Variants in CDK14 observed in about 807,000 individuals in gnomAD.
CDK14 encodes the protein cyclin dependent kinase 14.
CDK14 carries 34 observed loss-of-function variants against 60.7 expected under a neutral mutation model. The observed-to-expected ratio is 0.56, with a 90% CI of 0.43 to 0.75. The LOEUF (loss-of-function observed/expected upper bound fraction) is 0.75, where lower values mean the gene tolerates loss of function less well. Ranked by LOEUF, CDK14 falls within the 30% of genes least tolerant of loss-of-function variation. CDK14 has a pLI of 0.00. For missense variants in CDK14, 482 were observed against 564.1 expected, an observed-to-expected ratio of 0.85 and a Z score of 1.47; for synonymous variants, 197 against 203.7, an observed-to-expected ratio of 0.97 and a Z score of 0.28.
chr7:91,142,868 T>G (rs1379059922), intron 14 of CDK14, among the ~76,000 whole-genome samples: 1 of 152,136 alleles, frequency 6.6e-6, no homozygotes, highest in African/African-American at 2.4e-5. Flanking sequence ...AGATGACAAA[T>G]TAGCAAACAT....
chr7:91,102,445 TACC>T (rs1452654706), intron 12 of CDK14, among the ~76,000 whole-genome samples: 1 of 152,220 alleles, frequency 6.6e-6, no homozygotes, highest in Non-Finnish European at 1.5e-5. Flanking sequence ...AAATTACACC[TACC>T]ACACCTTTAC....
At chr7:90,651,522 C>T (rs1800641498) in intron 2 of CDK14, among the ~76,000 whole-genome samples, 1 of 152,114 alleles carries the variant, frequency 6.6e-6, no homozygotes. Context: ...CTCTTAACAC[C>T]TGTATAATCA....
chr7:91,117,791 A>T (rs895130474), intron 13 of CDK14, among the ~76,000 whole-genome samples: 8 of 152,102 alleles, frequency 5.3e-5, no homozygotes, highest in Admixed American at 2.0e-4. Flanking sequence ...AGGGCAAAAT[A>T]TGTTGTTTCC....
chr7:91,151,502 AT>A lies in CDK14; in HGVS notation c.*28+33295del, dbSNP rs139335880. Among the ~76,000 whole-genome samples, 492 of 152,304 alleles carry A rather than the reference AT, an allele frequency of 3.2e-3. 4 individuals are homozygous for A. Among genetic ancestry groups the A allele is most frequent in the African/African-American group, 0.011 (470 of 41,574 alleles). On this transcript the variant is annotated intron_variant, in intron 14 of 14. Coordinates refer to ENST00000380050, the MANE Select transcript of CDK14 (RefSeq NM_001287135.2). ...GAGTTTCTCTAACTCCAGAGTTATGATGGGGTTTCATTTAAAACCATACCTT... is the reference window on the plus strand; with the variant it reads ...GAGTTTCTCTAACTCCAGAGTTATGAGGGGTTTCATTTAAAACCATACCTT...
chr7:90,602,997 A>G (rs548292340), intron 1 of CDK14, among the ~76,000 whole-genome samples: 6 of 152,178 alleles, frequency 3.9e-5, no homozygotes, highest in Non-Finnish European at 8.8e-5. Flanking sequence ...TAGGCACATT[A>G]CTTTTCTCAG....
chr7:91,160,606 T>C (rs1801139696), intron 14 of CDK14, among the ~76,000 whole-genome samples: 1 of 152,240 alleles, frequency 6.6e-6, no homozygotes, highest in African/African-American at 2.4e-5. Context: ...GGTGTGTAGT[T>C]ATCTATTGAT....
At chr7:91,055,195 A>G (rs546676549) in intron 11 of CDK14, among the ~76,000 whole-genome samples, 2 of 152,340 alleles carry the variant, frequency 1.3e-5, no homozygotes, top group South Asian at 4.1e-4. Flanking sequence ...GGGATTTGTT[A>G]TAAAATAAAT....
intron 14 of CDK14, among the ~76,000 whole-genome samples, chr7:91,167,269 CG>C (rs2115777761): frequency 6.6e-6 from 1 of 152,286 alleles, no homozygotes; most frequent in South Asian, 2.1e-4. Context: ...TTCCAACCAA[CG>C]TTGAAAAATA....
chr7:90,772,368 G>C (rs552936790), intron 4 of CDK14, among the ~76,000 whole-genome samples: 2 of 152,318 alleles, frequency 1.3e-5, no homozygotes, highest in South Asian at 2.1e-4. Context: ...TACAAGGAAG[G>C]TGTGTGCTTA....
At chr7:91,051,723 C>G (rs1797397274) in intron 11 of CDK14, among the ~76,000 whole-genome samples, 1 of 152,250 alleles carries the variant, frequency 6.6e-6, no homozygotes, top group South Asian at 2.1e-4. Flanking sequence ...CATAGTTATT[C>G]ACTAACAGGA....
At chr7:90,994,463 G>C (rs1243127076) in intron 10 of CDK14, among the ~76,000 whole-genome samples, 1 of 152,304 alleles carries the variant, frequency 6.6e-6, no homozygotes, top group East Asian at 1.9e-4. Flanking sequence ...AAAGTGAAGG[G>C]AAGGGGACAT....
chr7:91,115,524 C>T (rs11982876), intron 13 of CDK14, among the ~76,000 whole-genome samples: 9,757 of 152,172 alleles, frequency 0.064, 396 homozygotes, highest in Admixed American at 0.13. Context: ...AATTTGAGGA[C>T]GGACACAATT....
intron 14 of CDK14, among the ~76,000 whole-genome samples, chr7:91,205,319 CTG>C (rs1802858932): frequency 6.6e-6 from 1 of 152,150 alleles, no homozygotes; most frequent in Admixed American, 6.5e-5. Flanking sequence ...GATAAACAAA[CTG>C]TGGTATATTC....
At chr7:90,967,956 T>C (rs573710946) in intron 9 of CDK14, among the ~76,000 whole-genome samples, 1 of 152,326 alleles carries the variant, frequency 6.6e-6, no homozygotes, top group Non-Finnish European at 1.5e-5. Context: ...TAAAGATGCC[T>C]ACCAGAATAT....
intron 5 of CDK14, among the ~76,000 whole-genome samples, chr7:90,835,757 T>C (rs1053575042): frequency 6.6e-6 from 1 of 152,150 alleles, no homozygotes; most frequent in Non-Finnish European, 1.5e-5. Flanking sequence ...ACAGAGTGCA[T>C]TCTGATAAAT....
At chr7:90,988,585 A>G (rs1166503111) in intron 10 of CDK14, among the ~76,000 whole-genome samples, 1 of 152,208 alleles carries the variant, frequency 6.6e-6, no homozygotes, top group Non-Finnish European at 1.5e-5. Flanking sequence ...CTAATAAAAA[A>G]TTTGTATTCT....
intron 14 of CDK14, among the ~76,000 whole-genome samples, chr7:91,132,784 C>T (rs1430068593): frequency 1.3e-5 from 2 of 152,142 alleles, no homozygotes; most frequent in South Asian, 2.1e-4. Context: ...CAGAACTTTG[C>T]GTGAAGCCAT....
At chr7:90,895,975 T>A (rs945846549) in intron 6 of CDK14, among the ~76,000 whole-genome samples, 32 of 152,054 alleles carry the variant, frequency 2.1e-4, no homozygotes, top group Admixed American at 6.6e-5. Flanking sequence ...ATTAGGCTTT[T>A]CATAGAAGTG....
chr7:90,904,494 A>G (rs1377170107), intron 7 of CDK14, among the ~76,000 whole-genome samples: 1 of 152,160 alleles, frequency 6.6e-6, no homozygotes, highest in Non-Finnish European at 1.5e-5. Context: ...AATTAAAAAT[A>G]TAACAAATTA....
Sources: allele counts gnomAD v4.1 joint callset (sites outside exome capture counted in the v4.1 genomes callset), GRCh38; gene constraint gnomAD v4.1.1; transcripts MANE v1.5; gene names NCBI Gene and HGNC (gene_info 2026-07-23, HGNC 2026-07-21).